KLF13: variants seen among roughly 807,000 people sequenced by gnomAD.
KLF13 encodes the protein Krueppel-like factor 13.
KLF13 carries 8 observed loss-of-function variants against 16.7 expected under a neutral mutation model. That is an observed-to-expected ratio of 0.48 (90% CI 0.28 to 0.87). The LOEUF is 0.87. KLF13 is among the 40% of genes least tolerant of loss of function. KLF13 has a pLI of 0.10. For synonymous variants in KLF13, 245 were observed against 208.4 expected (o/e 1.18, Z -1.51); for missense variants, 447 against 452.2 (o/e 0.99, Z 0.10).
chr15:31,327,207 C>T lies in KLF13; in HGVS notation c.-6C>T, dbSNP rs1477293588. 1.5e-6 allele frequency: 2 copies of T among 1,339,814 alleles called. No homozygotes were observed. The highest frequency in any genetic ancestry group is 3.8e-5 in the Admixed American group (1 of 26,484). 83.0% of individuals were successfully genotyped at this position (1,339,814 alleles called of 1,614,324 possible). A position where few individuals can be genotyped will look rare whatever the true frequency, so the allele number is the denominator to read the frequency against. On this transcript the variant is annotated 5_prime_UTR_variant, in exon 1 of 2. Coordinates refer to ENST00000307145, the MANE Select transcript of KLF13 (RefSeq NM_015995.4). Reference sequence around the variant, plus strand: ...AAGAGCACCGCCGCCGGCCCCAGCCCGCAGCATGGCAGCCGCCGCCTATGT... The same window carrying T: ...AAGAGCACCGCCGCCGGCCCCAGCCTGCAGCATGGCAGCCGCCGCCTATGT...
chr15:31,425,635 G>A (rs2040391396), intron 1 of KLF13, among the ~76,000 whole-genome samples: 1 of 152,182 alleles, frequency 6.6e-6, no homozygotes, highest in Non-Finnish European at 1.5e-5. Context: ...CTAGGAGTTT[G>A]GGAGGCTGAG....
intron 1 of KLF13, among the ~76,000 whole-genome samples, chr15:31,426,610 A>T (rs960367035): frequency 2.0e-5 from 3 of 152,254 alleles, no homozygotes; most frequent in Non-Finnish European, 4.4e-5. Flanking sequence ...CTCAACAACA[A>T]TAAAAACGCA....
intron 1 of KLF13, among the ~76,000 whole-genome samples, chr15:31,361,710 G>A (rs1195083467): frequency 6.6e-6 from 1 of 152,116 alleles, no homozygotes; most frequent in Non-Finnish European, 1.5e-5. Flanking sequence ...CACCTGGGGT[G>A]CAGAGCTGGG....
chr15:31,401,109 T>C (rs1239919542), intron 2 of KLF13, among the ~76,000 whole-genome samples: 1 of 152,086 alleles, frequency 6.6e-6, no homozygotes, highest in Non-Finnish European at 1.5e-5. Context: ...GAGCAAGCTA[T>C]TCTGCCTCAG....
chr15:31,327,149 G>A lies in KLF13; in HGVS notation c.-64G>A. 1 of 1,056,662 alleles carries A rather than the reference G, an allele frequency of 9.5e-7. No homozygotes were observed. Among genetic ancestry groups the A allele is most frequent in the Non-Finnish European group, 1.2e-6 (1 of 868,756 alleles). The allele number at this position is 1,056,662 out of a possible 1,614,324, so 65.5% of individuals were successfully genotyped here. On this transcript the variant is annotated 5_prime_UTR_variant, in exon 1 of 2. It adds an upstream start codon to the 5' untranslated region. Transcript: ENST00000307145. ...GCCCCCCGCCCGCTCTCCCGAGGCCGTGGGTGCGGATGCGCGGCTGACGAC... is the reference window on the plus strand; with the variant it reads ...GCCCCCCGCCCGCTCTCCCGAGGCCATGGGTGCGGATGCGCGGCTGACGAC...
upstream of KLF13, among the ~76,000 whole-genome samples, chr15:31,388,780 A>G (rs933901000): frequency 1.3e-5 from 2 of 150,664 alleles, no homozygotes; most frequent in Non-Finnish European, 3.0e-5. Context: ...AAAAAAAAAA[A>G]AAAAAACTAA....
intron 1 of KLF13, among the ~76,000 whole-genome samples, chr15:31,414,714 T>C (rs2040235370): frequency 6.6e-6 from 1 of 152,088 alleles, no homozygotes. Context: ...AGAGCACCAA[T>C]ACATGGAAAA....
chr15:31,409,894 G>GA, intron 1 of KLF13, among the ~76,000 whole-genome samples: 1 of 152,108 alleles, frequency 6.6e-6, no homozygotes, highest in Admixed American at 6.5e-5. Context: ...TCTTCTGGCA[G>GA]AAAAAAATAC....
intron 1 of KLF13, among the ~76,000 whole-genome samples, chr15:31,423,021 T>A (rs1311519316): frequency 6.9e-6 from 1 of 145,956 alleles, no homozygotes; most frequent in African/African-American, 2.6e-5. Context: ...TGGGTGAGAG[T>A]GAGACTCCTT....
At chr15:31,385,020 C>G (rs1018245973) in intron 1 of KLF13, among the ~76,000 whole-genome samples, 1 of 152,048 alleles carries the variant, frequency 6.6e-6, no homozygotes, top group Non-Finnish European at 1.5e-5. Flanking sequence ...TTTCATAATC[C>G]TCATGAATGG....
chr15:31,413,464 C>T (rs576690722), intron 1 of KLF13, among the ~76,000 whole-genome samples: 1 of 152,004 alleles, frequency 6.6e-6, no homozygotes, highest in Non-Finnish European at 1.5e-5. Context: ...ATCTTAAAGG[C>T]AGCAAGAGAA....
At chr15:31,367,489 G>A (rs1004975512) in intron 1 of KLF13, among the ~76,000 whole-genome samples, 2 of 152,166 alleles carry the variant, frequency 1.3e-5, no homozygotes, top group Non-Finnish European at 2.9e-5. Flanking sequence ...TGGCACCAAC[G>A]TCCCATCCAT....
At chr15:31,429,466 C>G (rs557141482) in intron 1 of KLF13, among the ~76,000 whole-genome samples, 12 of 152,066 alleles carry the variant, frequency 7.9e-5, no homozygotes, top group Non-Finnish European at 1.3e-4. Context: ...TTAATAGGTA[C>G]AGAATTTGTC....
downstream of KLF13, among the ~76,000 whole-genome samples, chr15:31,378,289 G>A (rs1460748392): frequency 2.6e-5 from 4 of 152,108 alleles, no homozygotes; most frequent in Non-Finnish European, 5.9e-5. Flanking sequence ...CCCCAGATGC[G>A]CTGCTTGCCT....
At chr15:31,421,938 A>AC (rs2040330750) in intron 1 of KLF13, among the ~76,000 whole-genome samples, 1 of 151,972 alleles carries the variant, frequency 6.6e-6, no homozygotes, top group African/African-American at 2.4e-5. Context: ...ACATGATGAA[A>AC]CCCCATCTCT....
chr15:31,370,241 C>G (rs113428841), intron 1 of KLF13, among the ~76,000 whole-genome samples: 66 of 152,028 alleles, frequency 4.3e-4, no homozygotes, highest in African/African-American at 1.5e-3. Flanking sequence ...AGCAAGTGTA[C>G]CCACACACGG....
At chr15:31,339,817 C>A in intron 1 of KLF13, 1 of 634,676 alleles carries the variant, frequency 1.6e-6, no homozygotes, top group Non-Finnish European at 2.9e-6. Context: ...TGTCCTCCCG[C>A]CCCCCGCCTG....
intron 1 of KLF13, among the ~76,000 whole-genome samples, chr15:31,331,549 G>A (rs1407246096): frequency 6.6e-6 from 1 of 152,184 alleles, no homozygotes; most frequent in Admixed American, 6.5e-5. Context: ...AGAGCAGAGG[G>A]CATCTGGCAG....
chr15:31,394,717 G>A (rs989828229), intron 2 of KLF13, among the ~76,000 whole-genome samples: 2 of 152,096 alleles, frequency 1.3e-5, no homozygotes, highest in African/African-American at 4.8e-5. Context: ...TTGGCCTTTA[G>A]TATATTCACA....
Sources: allele counts gnomAD v4.1 joint callset (sites outside exome capture counted in the v4.1 genomes callset), GRCh38; gene constraint gnomAD v4.1.1; transcripts MANE v1.5; gene names NCBI Gene and HGNC (gene_info 2026-07-23, HGNC 2026-07-21).